SIRPA: variants seen among roughly 807,000 people sequenced by gnomAD.
The protein encoded by SIRPA is signal regulatory protein alpha, also known as tyrosine-protein phosphatase non-receptor type substrate 1.
Under a neutral mutation model 50.3 loss-of-function variants are expected in SIRPA, and 9 were observed. That is an observed-to-expected ratio of 0.18 (90% CI 0.11 to 0.31). The LOEUF (loss-of-function observed/expected upper bound fraction) is 0.31, where lower values mean the gene tolerates loss of function less well. Among genes scored for constraint, SIRPA ranks in the 10% least tolerant of loss-of-function variants. SIRPA has a pLI of 1.00. For synonymous variants in SIRPA, 265 were observed against 284.1 expected (o/e 0.93, Z 0.68); for missense variants, 474 against 661.6 (o/e 0.72, Z 3.11).
rs897989038 is a variant in SIRPA, at chr20:1,939,594, T to C, written c.*2026T>C. 6.6e-6 allele frequency: 1 copy of C among 152,240 alleles called. No homozygotes were observed. The highest frequency in any genetic ancestry group is 1.5e-5 in the Non-Finnish European group (1 of 68,054). The allele number at this position is 152,240 out of a possible 1,614,324, so 9.4% of individuals were successfully genotyped here. ...CACATTCAGTATTTTAAAAGAATGT[T>C]TTCTTGGTGCCATTTTCATTTTATT... On this transcript the variant is annotated 3_prime_UTR_variant, in exon 8 of 8. Transcript: ENST00000358771. This position sits in a 1 kb window ranked among gnomAD's most constrained non-coding sequence, Gnocchi z 4.7.
upstream of SIRPA, chr20:1,894,758 C>G (rs866868405): frequency 3.5e-4 from 52 of 148,272 alleles, no homozygotes; most frequent in Middle Eastern, 7.0e-3. This position sits in a 1 kb window ranked among gnomAD's most constrained non-coding sequence, Gnocchi z 4.0. Context: ...CTCGCTCCCT[C>G]CCCCGGGGCG....
rs1405823309 is a variant in SIRPA, at chr20:1,898,626, G to A, written c.79+3100G>A. Among the ~76,000 whole-genome samples the A allele has an allele frequency of 6.6e-6, 1 of 152,050 alleles. No individual in the cohort carries two copies. Among genetic ancestry groups the A allele is most frequent in the African/African-American group, 2.4e-5 (1 of 41,378 alleles). ...AGAGGAGCCAGGATTTTGGATGCTG[G>A]CCTTCCTGCTGGGTGGCTTCTAGGG... is the stretch of plus-strand genomic sequence containing the variant. On this transcript the variant is annotated intron_variant, in intron 1 of 7. Coordinates refer to ENST00000358771, the MANE Select transcript of SIRPA (RefSeq NM_001040023.2). This position sits in a 1 kb window ranked among gnomAD's most constrained non-coding sequence, Gnocchi z 4.3.
rs1019490934 is a variant in SIRPA, at chr20:1,936,229, A to G, written c.1267-1091A>G. 5.3e-5 allele frequency among the ~76,000 whole-genome samples: 8 copies of G among 152,208 alleles called. No homozygotes were observed. The East Asian group carries it at 1.5e-3, about 29-fold the overall frequency. ...ACAGAGGGAGCAAAGTTTATCATTC[A>G]TGATGGGCGCTTTTGAGGCGGCAGT... On this transcript the variant is annotated intron_variant, in intron 7 of 7. Transcript: ENST00000358771. The surrounding 1 kb of genome is among the most constrained non-coding windows in gnomAD (Gnocchi z 4.2).
intron 4 of SIRPA, among the ~76,000 whole-genome samples, chr20:1,923,978 CTGGTTGGTTGGTTGGTTGGT>C (rs35923845): frequency 1.5e-4 from 22 of 150,162 alleles, no homozygotes; most frequent in East Asian, 3.9e-4. Flanking sequence ...AGTTGGTTGG[CTGGTTGGTTGGTTGGTTGGT>C]TGGTTGGTTG....
Position 1,895,429 on chromosome 20 carries a change from C to G in SIRPA, c.-19C>G. ...CGCACTCACGGCCGCTCTCCCTCCT[C>G]GCTCCGCAGCCGCGGCCCATGGAGC... On this transcript the variant is annotated 5_prime_UTR_variant, in exon 1 of 8. Transcript: ENST00000358771. 1.4e-6 allele frequency: 2 copies of G among 1,386,462 alleles called. No homozygotes were observed. The highest frequency in any genetic ancestry group is 1.9e-6 in the Non-Finnish European group (2 of 1,075,864). 85.9% of individuals were successfully genotyped at this position (1,386,462 alleles called of 1,614,324 possible). A position where few individuals can be genotyped will look rare whatever the true frequency, so the allele number is the denominator to read the frequency against.
In SIRPA at chr20:1,936,986, G is replaced by A. The variant is rs1319357968; in HGVS notation, c.1267-334G>A. Among the ~76,000 whole-genome samples, 2 of 152,124 alleles carry A rather than the reference G, an allele frequency of 1.3e-5. No homozygotes were observed. The highest frequency in any genetic ancestry group is 2.1e-4 in the South Asian group (1 of 4,826). On this transcript the variant is annotated intron_variant, in intron 7 of 7. Transcript: ENST00000358771. The surrounding 1 kb of genome is among the most constrained non-coding windows in gnomAD (Gnocchi z 4.2). Reference sequence around the variant, plus strand: ...GAGAAGCAGGACAGACACCCTCGAGGGATGAACATGAGAAATGGGTGAAGA... The same window carrying A: ...GAGAAGCAGGACAGACACCCTCGAGAGATGAACATGAGAAATGGGTGAAGA...
At chr20:1,906,285 T>A (rs1363026239) in intron 1 of SIRPA, among the ~76,000 whole-genome samples, 3 of 152,126 alleles carry the variant, frequency 2.0e-5, no homozygotes, top group Non-Finnish European at 4.4e-5. Flanking sequence ...GCTCCAACCC[T>A]GGGGAAGAAA....
At chr20:1,901,122 C>T (rs986061764) in intron 1 of SIRPA, among the ~76,000 whole-genome samples, 1 of 146,734 alleles carries the variant, frequency 6.8e-6, no homozygotes, top group Non-Finnish European at 1.5e-5. Flanking sequence ...CCTTAGTGCT[C>T]CTCTCATTTT....
In SIRPA at chr20:1,927,195, A is replaced by C. The variant is rs1179362334; in HGVS notation, c.1202-680A>C. The stretch of plus-strand genomic sequence containing the variant: ...CGGTGCAGAGTGCATTTGGGTGTGC[A>C]TGTTGCTTTTTAATTACAATTTTAC... On this transcript the variant is annotated intron_variant, in intron 5 of 7. Coordinates refer to ENST00000358771, the MANE Select transcript of SIRPA (RefSeq NM_001040023.2). The surrounding 1 kb of genome is among the most constrained non-coding windows in gnomAD (Gnocchi z 6.5). Among the ~76,000 whole-genome samples, 2 of 152,314 alleles carry C rather than the reference A, an allele frequency of 1.3e-5. No individual in the cohort carries two copies. The highest frequency in any genetic ancestry group is 4.8e-5 in the African/African-American group (2 of 41,566).
chr20:1,907,776 C>T (rs747014240), intron 1 of SIRPA, among the ~76,000 whole-genome samples: 2 of 152,234 alleles, frequency 1.3e-5, no homozygotes, highest in Non-Finnish European at 2.9e-5. Flanking sequence ...GGCCTGGCAG[C>T]AGAGTGAGGT....
chr20:1,921,299 AAAT>A, intron 2 of SIRPA, 93 bp from the exon 3 acceptor site: 1 of 1,593,696 alleles, frequency 6.3e-7, no homozygotes, highest in Non-Finnish European at 8.6e-7. Context: ...GAAGGATAAA[AAAT>A]AATGTCTCAG....
At chr20:1,929,070 T>C (rs1418428286) in intron 6 of SIRPA, among the ~76,000 whole-genome samples, 2 of 152,160 alleles carry the variant, frequency 1.3e-5, no homozygotes, top group East Asian at 1.9e-4. Flanking sequence ...AATCTTTTGA[T>C]GGTTTAGAGC....
intron 1 of SIRPA, among the ~76,000 whole-genome samples, chr20:1,899,372 C>G (rs1004905090): frequency 1.3e-5 from 2 of 152,168 alleles, no homozygotes; most frequent in African/African-American, 2.4e-5. Context: ...CTCAGCCACA[C>G]GAGCACCCCA....
intron 6 of SIRPA, among the ~76,000 whole-genome samples, chr20:1,930,126 C>T (rs945697510): frequency 2.0e-5 from 3 of 152,172 alleles, no homozygotes; most frequent in Non-Finnish European, 4.4e-5. Flanking sequence ...CTGTGAATGG[C>T]ACCCCCTGGA....
intron 1 of SIRPA, among the ~76,000 whole-genome samples, chr20:1,900,319 C>G (rs918121934): frequency 6.6e-6 from 1 of 152,048 alleles, no homozygotes; most frequent in Non-Finnish European, 1.5e-5. Context: ...AGGCTGGTCT[C>G]GAACTCCTGA....
At position 1,936,402 on chromosome 20, in the gene SIRPA, A is replaced by C. The variant is rs1057333477; in HGVS notation, c.1267-918A>C. 3.9e-5 allele frequency among the ~76,000 whole-genome samples: 6 copies of C among 152,156 alleles called. No individual in the cohort carries two copies. Among genetic ancestry groups the C allele is most frequent in the African/African-American group, 1.4e-4 (6 of 41,414 alleles). ...GATAATCTCATTCCATCCTCACAGC[A>C]ACCCTGGCAGTAGACACTATTATCA... On this transcript the variant is annotated intron_variant, in intron 7 of 7. Coordinates refer to ENST00000358771, the MANE Select transcript of SIRPA (RefSeq NM_001040023.2). The surrounding 1 kb of genome is among the most constrained non-coding windows in gnomAD (Gnocchi z 4.2).
At position 1,895,436 on chromosome 20, in the gene SIRPA, C is replaced by T; in HGVS notation, c.-12C>T. On this transcript the variant is annotated 5_prime_UTR_variant, in exon 1 of 8. Transcript: ENST00000358771. ...ACGGCCGCTCTCCCTCCTCGCTCCG[C>T]AGCCGCGGCCCATGGAGCCCGCCGG... 1 of 1,395,490 alleles carries T rather than the reference C, an allele frequency of 7.2e-7. No homozygotes were observed. 86.4% of individuals were successfully genotyped at this position (1,395,490 alleles called of 1,614,324 possible). A position where few individuals can be genotyped will look rare whatever the true frequency, so the allele number is the denominator to read the frequency against.
At chr20:1,902,052 T>A (rs1438815045) in intron 1 of SIRPA, among the ~76,000 whole-genome samples, 3 of 152,246 alleles carry the variant, frequency 2.0e-5, no homozygotes, top group Admixed American at 2.0e-4. Context: ...TGTTAGCTCT[T>A]CCTTATCTTT....
chr20:1,899,421 G>A (rs1386943332), intron 1 of SIRPA, among the ~76,000 whole-genome samples: 1 of 152,146 alleles, frequency 6.6e-6, no homozygotes, highest in Non-Finnish European at 1.5e-5. Flanking sequence ...ATCCCGAGCT[G>A]GGTCACATTT....
Sources: allele counts gnomAD v4.1 joint callset (sites outside exome capture counted in the v4.1 genomes callset), GRCh38; gene constraint gnomAD v4.1.1; non-coding constraint Gnocchi (gnomAD v3.1); transcripts MANE v1.5; gene names NCBI Gene and HGNC (gene_info 2026-07-23, HGNC 2026-07-21).